EDA: variants seen among roughly 807,000 people sequenced by gnomAD.
The protein encoded by EDA is ectodysplasin A.
A neutral mutation model predicts 23.6 loss-of-function variants in EDA; 2 were observed. The ratio of observed to expected loss-of-function variants is 0.08; its 90% CI spans 0.03 to 0.27. The LOEUF (loss-of-function observed/expected upper bound fraction) is 0.27. Among genes scored for constraint, EDA ranks in the 10% least tolerant of loss-of-function variants. The pLI, the probability that EDA is intolerant of heterozygous loss-of-function variation, is 1.00. For missense variants in EDA, 229 were observed against 324.2 expected (o/e 0.71, Z 2.26); for synonymous variants, 131 against 132.0 (o/e 0.99, Z 0.05).
chrX:69,646,053 G>T (rs1932920673), intron 1 of EDA, among the ~76,000 whole-genome samples: 1 of 111,304 alleles, frequency 9.0e-6, no homozygotes, highest in East Asian at 2.8e-4. Context: ...TGGTCTGAAA[G>T]ACTGTTATGA....
chrX:69,943,236 T>C (rs1049333560), intron 1 of EDA, among the ~76,000 whole-genome samples: 1 of 111,488 alleles, frequency 9.0e-6, no homozygotes, highest in Non-Finnish European at 1.9e-5. Context: ...TGCTTGTGGA[T>C]ATTCATCGAT....
At chrX:69,916,741 T>G (rs1279462704) in intron 1 of EDA, among the ~76,000 whole-genome samples, 1 of 110,182 alleles carries the variant, frequency 9.1e-6, no homozygotes, top group Non-Finnish European at 1.9e-5. Flanking sequence ...TTGAAAAATT[T>G]GAGAAGCACT....
intron 1 of EDA, among the ~76,000 whole-genome samples, chrX:69,650,575 T>A (rs1390137852): frequency 8.9e-6 from 1 of 111,942 alleles, no homozygotes; most frequent in African/African-American, 3.2e-5. Flanking sequence ...AAGACAAGAT[T>A]TGCAATGTTC....
At chrX:69,796,857 T>C (rs946126646) in intron 1 of EDA, among the ~76,000 whole-genome samples, 8 of 110,543 alleles carry the variant, frequency 7.2e-5, no homozygotes, top group African/African-American at 2.6e-4. Context: ...GTGAATGAAG[T>C]TTTACCAGAG....
chrX:69,748,906 GA>G (rs1354275989), intron 1 of EDA, among the ~76,000 whole-genome samples: 1 of 111,659 alleles, frequency 9.0e-6, no homozygotes, highest in African/African-American at 3.3e-5. Context: ...GAGGCAAATC[GA>G]AGAAATGTAA....
intron 2 of EDA, among the ~76,000 whole-genome samples, chrX:69,968,586 C>T (rs2019207086): frequency 1.8e-5 from 2 of 111,935 alleles, no homozygotes; most frequent in South Asian, 7.5e-4. Flanking sequence ...ATCTTAGCAT[C>T]TTCCCTACCT....
At chrX:69,699,230 T>C (rs2011465185) in intron 1 of EDA, among the ~76,000 whole-genome samples, 1 of 111,361 alleles carries the variant, frequency 9.0e-6, no homozygotes, top group Non-Finnish European at 1.9e-5. Context: ...GTGGAGACTT[T>C]AGAGGATAGG....
chrX:69,921,526 C>G (rs764623045), intron 1 of EDA, among the ~76,000 whole-genome samples: 51 of 110,636 alleles, frequency 4.6e-4, no homozygotes, highest in Middle Eastern at 9.3e-3. Flanking sequence ...TTGCCATCCA[C>G]CATCCATTTA....
chrX:70,019,786 A>T (rs960252473), intron 2 of EDA, among the ~76,000 whole-genome samples: 1 of 111,407 alleles, frequency 9.0e-6, no homozygotes, highest in Non-Finnish European at 1.9e-5. Context: ...AAAACTACTT[A>T]TTGGGTACTA....
chrX:70,023,706 T>C (rs2020072408), intron 3 of EDA, among the ~76,000 whole-genome samples: 1 of 110,289 alleles, frequency 9.1e-6, no homozygotes, highest in South Asian at 3.9e-4. Context: ...TGTGTCACCA[T>C]GTAGGAACTA....
intron 1 of EDA, among the ~76,000 whole-genome samples, chrX:69,921,492 C>A (rs1024846922): frequency 9.0e-6 from 1 of 110,807 alleles, no homozygotes; most frequent in Non-Finnish European, 1.9e-5. Flanking sequence ...CTAACCTTCT[C>A]TCCTGCTTGC....
intron 1 of EDA, among the ~76,000 whole-genome samples, chrX:69,912,396 A>G (rs373027429): frequency 9.0e-6 from 1 of 111,545 alleles, no homozygotes; most frequent in East Asian, 2.8e-4. Context: ...TTCTTTACTT[A>G]CTCTGCCCCA....
chrX:69,883,478 A>T (rs984662450), intron 1 of EDA, among the ~76,000 whole-genome samples: 3 of 111,584 alleles, frequency 2.7e-5, no homozygotes, highest in Non-Finnish European at 5.6e-5. Flanking sequence ...CTGGGTACCC[A>T]ATTTGGATTG....
intron 1 of EDA, among the ~76,000 whole-genome samples, chrX:69,877,573 T>C (rs2017666571): frequency 8.9e-6 from 1 of 111,842 alleles, no homozygotes; most frequent in African/African-American, 3.2e-5. Context: ...ATTTTTTGTA[T>C]AGAAGTTCTT....
intron 1 of EDA, among the ~76,000 whole-genome samples, chrX:69,749,346 C>T (rs371295313): frequency 0.014 from 1,249 of 88,816 alleles, 27 homozygotes; most frequent in African/African-American, 0.051. Flanking sequence ...CATTGTTGGA[C>T]ATTTGGGTTG....
chrX:69,697,173 A>C (rs1334423312), intron 1 of EDA, among the ~76,000 whole-genome samples: 2 of 111,688 alleles, frequency 1.8e-5, no homozygotes, highest in East Asian at 2.8e-4. Context: ...CCAAATGAGG[A>C]CAGGGCAGGG....
chrX:69,784,065 GT>G (rs1204865667), intron 1 of EDA, among the ~76,000 whole-genome samples: 2 of 105,430 alleles, frequency 1.9e-5, no homozygotes, highest in Non-Finnish European at 4.0e-5. Context: ...TTTTTCATGT[GT>G]TTTTTGGCTG....
At chrX:69,847,123 C>A (rs1602477265) in intron 1 of EDA, among the ~76,000 whole-genome samples, 1 of 111,190 alleles carries the variant, frequency 9.0e-6, no homozygotes, top group Non-Finnish European at 1.9e-5. Flanking sequence ...CAGGGTTGTG[C>A]TAAGAGTTGT....
At chrX:69,755,002 C>A (rs1404457952) in intron 1 of EDA, among the ~76,000 whole-genome samples, 1 of 111,841 alleles carries the variant, frequency 8.9e-6, no homozygotes, top group Non-Finnish European at 1.9e-5. Flanking sequence ...GTTTGAACGT[C>A]CTCCTTTAGC....
Sources: gnomAD v4.1 joint callset for allele counts (sites outside exome capture counted in the v4.1 genomes callset) on GRCh38, gnomAD v4.1.1 for gene constraint, MANE v1.5 for transcripts, NCBI Gene and HGNC (gene_info 2026-07-23, HGNC 2026-07-21) for gene names.